The following ATP13A4 variants were observed in gnomAD, a reference collection of about 807,000 sequenced individuals.
ATP13A4 encodes the protein probable cation-transporting ATPase 13A4.
In ATP13A4, 114 loss-of-function variants were observed where a neutral mutation model predicts 142.5. That is an observed-to-expected ratio of 0.80 (90% confidence interval 0.69 to 0.93). The LOEUF (loss-of-function observed/expected upper bound fraction) is 0.93. Ranked by LOEUF, ATP13A4 falls within the 40% of genes least tolerant of loss-of-function variation. The pLI is 0.00. For synonymous variants in ATP13A4, 488 were observed against 514.8 expected (o/e 0.95, Z 0.70); for missense variants, 1,392 against 1,454.0 (o/e 0.96, Z 0.69).
Position 193,514,998 on chromosome 3 carries a change from G to C in ATP13A4, c.61-127C>G, listed in dbSNP as rs1264762410. 5.2e-6 allele frequency: 5 copies of C among 969,742 alleles called. No homozygotes were observed. The Admixed American group carries it at 7.9e-5, about 15-fold the overall frequency. 60.1% of individuals were successfully genotyped at this position (969,742 alleles called of 1,614,324 possible). ...GTTGAGGAGGGTGAGGAGAGGGCAG[G>C]GTGAGGCATGGAGAGAGTGGAGAGG... On this transcript the variant is annotated intron_variant, in intron 1 of 29. Transcript: ENST00000342695.
chr3:193,440,720 T>A (rs1716580117), intron 20 of ATP13A4, 83 bp from the exon 21 acceptor site: 4 of 1,418,780 alleles, frequency 2.8e-6, no homozygotes, highest in Non-Finnish European at 4.0e-6. Context: ...GAATGTTGAC[T>A]GCATCATGAC....
chr3:193,438,258 T>C (rs1449972055), intron 23 of ATP13A4, among the ~76,000 whole-genome samples: 1 of 152,184 alleles, frequency 6.6e-6, no homozygotes, highest in Non-Finnish European at 1.5e-5. Flanking sequence ...AAAAATAACC[T>C]AATCAGTGAA....
Position 193,458,789 on chromosome 3 carries a change from A to C in ATP13A4, c.1674+292T>G, listed in dbSNP as rs550736865. 5.1e-6 allele frequency: 3 copies of C among 593,736 alleles called. No individual in the cohort carries two copies. In the South Asian group the frequency reaches 6.2e-5, roughly 12 times the overall value. 36.8% of individuals were successfully genotyped at this position (593,736 alleles called of 1,614,324 possible). A position where few individuals can be genotyped will look rare whatever the true frequency, so the allele number is the denominator to read the frequency against. ...ACAGAGAGACAAGAAATAACTGCATAATAAGTACAATTATATTAATATGAT... is the reference window on the plus strand; with the variant it reads ...ACAGAGAGACAAGAAATAACTGCATCATAAGTACAATTATATTAATATGAT... On this transcript the variant is annotated intron_variant, in intron 14 of 29. Transcript: ENST00000342695.
intron 2 of ATP13A4, among the ~76,000 whole-genome samples, chr3:193,560,841 T>C (rs1724000169): frequency 6.6e-6 from 1 of 152,186 alleles, no homozygotes; most frequent in African/African-American, 2.4e-5. Flanking sequence ...AGGGGAGCAG[T>C]TGGCCAAGGG....
At chr3:193,516,786 T>C (rs1721440633) in intron 1 of ATP13A4, among the ~76,000 whole-genome samples, 1 of 144,450 alleles carries the variant, frequency 6.9e-6, no homozygotes. Context: ...TATGCATTCT[T>C]TTTTGGGCTA....
At chr3:193,474,659 GAAAGAAAGAA>G (rs1428310543) in intron 8 of ATP13A4, among the ~76,000 whole-genome samples, 4 of 125,700 alleles carry the variant, frequency 3.2e-5, no homozygotes, top group Admixed American at 2.5e-4. Context: ...AAGAAAGAAA[GAAAGAAAGAA>G]AAAGAAAGAA....
chr3:193,480,512 G>C (rs1719228306), intron 8 of ATP13A4, among the ~76,000 whole-genome samples: 1 of 151,918 alleles, frequency 6.6e-6, no homozygotes. Flanking sequence ...AGATGGCCAA[G>C]AAACATATGA....
intron 16 of ATP13A4, among the ~76,000 whole-genome samples, chr3:193,455,424 C>T (rs372045913): frequency 6.6e-6 from 1 of 151,540 alleles, no homozygotes; most frequent in Admixed American, 6.6e-5. Context: ...CAATCACACA[C>T]ACACACAAAA....
intron 4 of ATP13A4, 24 bp from the exon 5 acceptor site, chr3:193,493,021 A>C (rs1231438966): frequency 6.2e-7 from 1 of 1,602,834 alleles, no homozygotes; most frequent in Non-Finnish European, 8.5e-7. Flanking sequence ...AATGAAAAGA[A>C]CATATTTAGC....
rs766017272 is a variant in ATP13A4, at chr3:193,457,108, A to C, written c.1807T>G (p.Ser603Ala). 6.2e-7 allele frequency: 1 copy of C among 1,613,724 alleles called. No homozygotes were observed. The highest frequency in any genetic ancestry group is 1.3e-5 in the African/African-American group (1 of 75,026). ...IAILHQFPFS[S>A]ALQRMTVIVQ... The stretch of plus-strand genomic sequence containing the variant: ...ATGACTGTCATTCTTTGCAGTGCCG[A>C]TGAGAATGGGAACTGATGCAGGATT... The change falls in exon 16 of 30, where the codon TCG (serine) becomes GCG (alanine). Residue 603 changes from serine to alanine, a missense_variant. By Grantham distance (99) the Ser-to-Ala change is moderately conservative (BLOSUM62 1). Transcript: ENST00000342695.
At chr3:193,480,791 G>C (rs549823050) in intron 8 of ATP13A4, among the ~76,000 whole-genome samples, 2 of 152,234 alleles carry the variant, frequency 1.3e-5, no homozygotes, top group African/African-American at 4.8e-5. Context: ...CTACCCAGAG[G>C]AAAATAAGTC....
intron 7 of ATP13A4, among the ~76,000 whole-genome samples, chr3:193,485,747 C>G (rs1186999434): frequency 1.3e-5 from 2 of 151,920 alleles, no homozygotes; most frequent in East Asian, 3.9e-4. Context: ...TTTCAGTGCC[C>G]TTATAGAAGA....
rs59910562 is a variant in ATP13A4 at position 193,576,249 on chromosome 3, C to CTTTTTT, written n.291+5452_291+5457dup. Among the ~76,000 whole-genome samples, 235 of 54,422 alleles carry CTTTTTT rather than the reference C, an allele frequency of 4.3e-3. 18 individuals are homozygous for CTTTTTT. Among genetic ancestry groups the CTTTTTT allele is most frequent in the Non-Finnish European group, 6.2e-3 (186 of 30,084 alleles). The allele number at this position is 54,422 out of a possible 152,430, so 35.7% of individuals were successfully genotyped here. ...TCCATGGAATGTGGCTTGAATCAAT[C>CTTTTTT]TTTTTTTTTTTTTTTTTTTTTTTTT... On this transcript the variant is annotated intron_variant and non_coding_transcript_variant, in intron 2 of 3. Transcript: ENST00000489140.
chr3:193,546,730 G>C (rs1011557216), intron 1 of ATP13A4, among the ~76,000 whole-genome samples: 2 of 152,148 alleles, frequency 1.3e-5, no homozygotes, highest in Non-Finnish European at 2.9e-5. Flanking sequence ...ACAAAAACAA[G>C]AGGCAACAAA....
chr3:193,455,182 CA>C (rs891290695), intron 16 of ATP13A4, among the ~76,000 whole-genome samples: 1 of 149,984 alleles, frequency 6.7e-6, no homozygotes. Context: ...ACTAAAAATA[CA>C]AAAAAAAATT....
Position 193,531,684 on chromosome 3 carries a change from C to T in ATP13A4, c.61-16813G>A, listed in dbSNP as rs768727828. Among the ~76,000 whole-genome samples, 18 of 152,174 alleles carry T rather than the reference C, an allele frequency of 1.2e-4. No homozygotes were observed. In the South Asian group the frequency reaches 2.3e-3, roughly 19 times the overall value. ...GAGAAAAGATGGATGACATGAAGGT[C>T]TTTGCTGGGGGATATGTCAAGAGGG... On this transcript the variant is annotated intron_variant, in intron 1 of 29. Transcript: ENST00000342695.
chr3:193,546,575 T>C lies in ATP13A4; in HGVS notation c.60+8165A>G, dbSNP rs1048076408. 3.9e-5 allele frequency among the ~76,000 whole-genome samples: 6 copies of C among 152,274 alleles called. No individual in the cohort carries two copies. The East Asian group carries it at 5.8e-4, about 15-fold the overall frequency. On this transcript the variant is annotated intron_variant, in intron 1 of 29. Transcript: ENST00000342695. ...TAAATAGGCCAGTGTTAAAGAGAGG[T>C]GAAGTGCTGCATGGTTGTAAGAATA... is the stretch of plus-strand genomic sequence containing the variant.
At position 193,399,845 on chromosome 3, in the gene ATP13A4, C is replaced by CAAAAAAAAA. The variant is rs71177402; in HGVS notation, c.*2798_*2806dup. Among the ~76,000 whole-genome samples, 4 of 72,696 alleles carry CAAAAAAAAA rather than the reference C, an allele frequency of 5.5e-5. No individual in the cohort carries two copies. Among genetic ancestry groups the CAAAAAAAAA allele is most frequent in the African/African-American group, 1.2e-4 (2 of 17,358 alleles). 47.7% of individuals were successfully genotyped at this position (72,696 alleles called of 152,430 possible). A position where few individuals can be genotyped will look rare whatever the true frequency, so the allele number is the denominator to read the frequency against. On this transcript the variant is annotated 3_prime_UTR_variant, in exon 30 of 30. Transcript: ENST00000342695. ...TGGGCAACAGAGTGAGACTCCATCTCAAAAAAAAAAAAAAAAAAAAAAGGT... is the reference window on the plus strand; with the variant it reads ...TGGGCAACAGAGTGAGACTCCATCTCAAAAAAAAAAAAAAAAAAAAAAAAAAAAAAAGGT...
chr3:193,577,787 A>T (rs1320292123), intron 2 of ATP13A4, among the ~76,000 whole-genome samples: 1 of 152,190 alleles, frequency 6.6e-6, no homozygotes, highest in Non-Finnish European at 1.5e-5. Flanking sequence ...TATCAAATAG[A>T]TCTCTATGTT....
Sources: allele counts gnomAD v4.1 joint callset (sites outside exome capture counted in the v4.1 genomes callset), GRCh38; gene constraint gnomAD v4.1.1; transcripts MANE v1.5; gene names NCBI Gene and HGNC (gene_info 2026-07-23, HGNC 2026-07-21).